SPOCK3: variants seen among roughly 807,000 people sequenced by gnomAD.
SPOCK3 encodes SPARC (osteonectin), cwcv and kazal like domains proteoglycan 3, also known as testican-3.
In SPOCK3, 30 loss-of-function variants were observed where a neutral mutation model predicts 56.6. That is an observed-to-expected ratio of 0.53 (90% CI 0.40 to 0.72). SPOCK3 has a LOEUF of 0.72. Among genes scored for constraint, SPOCK3 ranks in the 30% least tolerant of loss-of-function variants. The pLI is 0.00. For synonymous variants in SPOCK3, 196 were observed against 183.3 expected (o/e 1.07, Z -0.56); for missense variants, 527 against 530.0 (o/e 0.99, Z 0.06).
At chr4:166,941,885 G>A (rs577703319) in intron 4 of SPOCK3, among the ~76,000 whole-genome samples, 1 of 152,268 alleles carries the variant, frequency 6.6e-6, no homozygotes, top group Non-Finnish European at 1.5e-5. Flanking sequence ...AATGACTCCA[G>A]CCTAGCCAAA....
chr4:166,971,843 G>A (rs1034332351), intron 4 of SPOCK3, among the ~76,000 whole-genome samples: 12 of 152,142 alleles, frequency 7.9e-5, no homozygotes, highest in African/African-American at 2.9e-4. Context: ...ATTACTCTCT[G>A]TCAGATTACT....
intron 7 of SPOCK3, among the ~76,000 whole-genome samples, chr4:166,768,359 A>C (rs1368315441): frequency 1.3e-5 from 2 of 152,158 alleles, no homozygotes; most frequent in Non-Finnish European, 2.9e-5. Context: ...TGCTTCCTTC[A>C]GGAGCTCTTG....
At chr4:166,797,228 CCTTT>C (rs1486819756) in intron 6 of SPOCK3, among the ~76,000 whole-genome samples, 12 of 143,338 alleles carry the variant, frequency 8.4e-5, no homozygotes, top group Non-Finnish European at 1.7e-4. Flanking sequence ...TGGATTTCCA[CCTTT>C]CTTTTTTTTT....
chr4:166,973,452 T>C (rs554284129), intron 4 of SPOCK3, among the ~76,000 whole-genome samples: 1 of 152,264 alleles, frequency 6.6e-6, no homozygotes, highest in South Asian at 2.1e-4. Context: ...AGTAAAGAGT[T>C]TGTTAATGGG....
At chr4:167,207,585 C>A (rs567584388) in intron 2 of SPOCK3, among the ~76,000 whole-genome samples, 94 of 152,168 alleles carry the variant, frequency 6.2e-4, no homozygotes, top group Non-Finnish European at 1.1e-3. Flanking sequence ...TACCTACAAA[C>A]CCACCATCTG....
intron 2 of SPOCK3, among the ~76,000 whole-genome samples, chr4:167,077,311 A>G (rs967743769): frequency 1.3e-5 from 2 of 151,618 alleles, no homozygotes; most frequent in African/African-American, 4.8e-5. Context: ...AGAGACAAAT[A>G]ATCCTGCATT....
intron 7 of SPOCK3, among the ~76,000 whole-genome samples, chr4:166,782,937 C>G (rs1011924859): frequency 6.6e-6 from 1 of 152,102 alleles, no homozygotes; most frequent in African/African-American, 2.4e-5. Flanking sequence ...ATATTTGCAA[C>G]ACAATGAAGT....
rs1404047234 is a variant in SPOCK3 at position 166,754,504 on chromosome 4, T to C, written c.931+4A>G. ...TTTGCGTCTGTAAGGGTCTCATCTTTTACCTTGCTGTCTCTGGAAGCAGTA... is the reference window on the plus strand; with the variant it reads ...TTTGCGTCTGTAAGGGTCTCATCTTCTACCTTGCTGTCTCTGGAAGCAGTA... On this transcript the variant is annotated splice_donor_region_variant and intron_variant, in intron 8 of 10. Transcript: ENST00000357545. 2 of 1,611,432 alleles carry C rather than the reference T, an allele frequency of 1.2e-6. No homozygotes were observed. The highest frequency in any genetic ancestry group is 1.7e-5 in the Admixed American group (1 of 59,802).
chr4:166,747,635 G>A (rs1209448420), intron 8 of SPOCK3, among the ~76,000 whole-genome samples: 2 of 152,042 alleles, frequency 1.3e-5, no homozygotes, highest in Non-Finnish European at 2.9e-5. Context: ...TGCTGGCCAG[G>A]GCAATCAGGC....
At chr4:167,094,906 G>A (rs140546410) in intron 2 of SPOCK3, among the ~76,000 whole-genome samples, 188 of 152,152 alleles carry the variant, frequency 1.2e-3, no homozygotes, top group African/African-American at 4.3e-3. Context: ...GACCTTAGAA[G>A]TTCAGACCCA....
intron 9 of SPOCK3, among the ~76,000 whole-genome samples, chr4:166,740,337 TA>T (rs2126382294): frequency 1.8e-5 from 1 of 54,664 alleles, no homozygotes; most frequent in South Asian, 6.8e-4. Flanking sequence ...GGGAACTAAG[TA>T]TTTTTTTATA....
At chr4:166,839,940 C>T (rs1747060040) in intron 6 of SPOCK3, among the ~76,000 whole-genome samples, 1 of 152,196 alleles carries the variant, frequency 6.6e-6, no homozygotes, top group African/African-American at 2.4e-5. Flanking sequence ...TGTCCACTCT[C>T]CCTCTGAGGG....
chr4:167,228,160 A>G (rs1736788033), intron 2 of SPOCK3, among the ~76,000 whole-genome samples: 1 of 152,204 alleles, frequency 6.6e-6, no homozygotes, highest in African/African-American at 2.4e-5. Flanking sequence ...GGTGCATACA[A>G]AAAACCTATA....
intron 2 of SPOCK3, among the ~76,000 whole-genome samples, chr4:167,118,520 G>A (rs954534234): frequency 6.6e-6 from 1 of 152,104 alleles, no homozygotes; most frequent in Non-Finnish European, 1.5e-5. Context: ...CATATCTTTA[G>A]AGATGGTCTC....
At chr4:167,178,900 T>C (rs187142940) in intron 2 of SPOCK3, among the ~76,000 whole-genome samples, 33 of 152,304 alleles carry the variant, frequency 2.2e-4, no homozygotes, top group Non-Finnish European at 4.1e-4. Flanking sequence ...AATTGTTTAA[T>C]TGGTTTTAAA....
intron 3 of SPOCK3, among the ~76,000 whole-genome samples, chr4:167,004,358 C>G (rs868810335): frequency 6.6e-6 from 1 of 152,032 alleles, no homozygotes; most frequent in East Asian, 1.9e-4. Flanking sequence ...AAAAGGATGC[C>G]CTACTCATGG....
chr4:166,884,314 C>T (rs561736966), intron 6 of SPOCK3, among the ~76,000 whole-genome samples: 3 of 150,942 alleles, frequency 2.0e-5, no homozygotes, highest in South Asian at 4.2e-4. Flanking sequence ...GATAGCGCCA[C>T]TGCAGTTGGC....
At chr4:167,012,950 T>G (rs1010494058) in intron 3 of SPOCK3, among the ~76,000 whole-genome samples, 1 of 151,922 alleles carries the variant, frequency 6.6e-6, no homozygotes, top group Non-Finnish European at 1.5e-5. Context: ...AGGTAATACT[T>G]GATAGTTAAT....
intron 3 of SPOCK3, among the ~76,000 whole-genome samples, chr4:167,061,705 T>C (rs1429633899): frequency 1.3e-5 from 2 of 152,038 alleles, no homozygotes; most frequent in Non-Finnish European, 2.9e-5. Context: ...TATTTTTAAG[T>C]CTGACTACTT....
Sources: allele counts gnomAD v4.1 joint callset (sites outside exome capture counted in the v4.1 genomes callset), GRCh38; gene constraint gnomAD v4.1.1; transcripts MANE v1.5; gene names NCBI Gene and HGNC (gene_info 2026-07-23, HGNC 2026-07-21).